TMEM108: variants seen among roughly 807,000 people sequenced by gnomAD.
The protein encoded by TMEM108 is transmembrane protein 108, also known as cancer/testis antigen 124.
TMEM108 carries 12 observed loss-of-function variants against 35.1 expected under a neutral mutation model. The observed-to-expected ratio is 0.34, with a 90% CI of 0.22 to 0.55. The LOEUF (loss-of-function observed/expected upper bound fraction) is 0.55, where lower values mean the gene tolerates loss of function less well. TMEM108 is among the 20% of genes least tolerant of loss of function. The pLI, the probability that TMEM108 is intolerant of heterozygous loss-of-function variation, is 0.89. For missense variants in TMEM108, 680 were observed against 753.3 expected (o/e 0.90, Z 1.14); for synonymous variants, 287 against 308.6 (o/e 0.93, Z 0.73).
intron 1 of TMEM108, among the ~76,000 whole-genome samples, chr3:133,045,676 A>G (rs1943331334): frequency 6.6e-6 from 1 of 152,232 alleles, no homozygotes; most frequent in Admixed American, 6.5e-5. Context: ...TAAACATGGC[A>G]GGACTTTTGT....
chr3:133,259,364 A>G (rs1946592135), intron 3 of TMEM108, among the ~76,000 whole-genome samples: 1 of 152,228 alleles, frequency 6.6e-6, no homozygotes, highest in Admixed American at 6.5e-5. Context: ...AGAGGAAGCC[A>G]TTGAGAAGTG....
chr3:133,200,716 T>A (rs1945650140), intron 2 of TMEM108, among the ~76,000 whole-genome samples: 1 of 152,168 alleles, frequency 6.6e-6, no homozygotes, highest in Non-Finnish European at 1.5e-5. Flanking sequence ...TATTACACAC[T>A]CATTGTTTTT....
At chr3:133,154,010 A>G (rs1944839528) in intron 2 of TMEM108, among the ~76,000 whole-genome samples, 1 of 148,248 alleles carries the variant, frequency 6.7e-6, no homozygotes, top group Non-Finnish European at 1.5e-5. Context: ...AGTTCTCCAA[A>G]ACAATAAATT....
rs566321540 is a variant in TMEM108, at chr3:133,381,088, A to T, written c.1377A>T (p.Arg459Ser). Residue 459 changes from arginine (R) to serine (S), a missense_variant, in exon 4 of 6, where the codon AGA (arginine) becomes AGT (serine). This residue lies in a region of TMEM108 where 105 missense variants were observed against 150.7 expected (regional missense o/e 0.70). Coordinates refer to ENST00000321871, the MANE Select transcript of TMEM108 (RefSeq NM_023943.4). ...HVAEGDKPQH[R>S]ATICLSKMDI... ...CCGAGGGGGACAAACCGCAGCACAG[A>T]GCCACCATCTGCCTGAGCAAGATGG... The T allele has an allele frequency of 6.2e-7, 1 of 1,614,124 alleles. No individual in the cohort carries two copies. The highest frequency in any genetic ancestry group is 2.2e-5 in the East Asian group (1 of 44,874).
At chr3:133,235,549 G>A (rs1488232210) in intron 3 of TMEM108, among the ~76,000 whole-genome samples, 1 of 152,106 alleles carries the variant, frequency 6.6e-6, no homozygotes, top group Admixed American at 6.5e-5. Context: ...AGTTACTTAA[G>A]CCTCTGTGAG....
intron 4 of TMEM108, among the ~76,000 whole-genome samples, chr3:133,382,225 G>A (rs567685338): frequency 3.4e-4 from 52 of 152,188 alleles, no homozygotes; most frequent in African/African-American, 1.1e-3. Flanking sequence ...CCCGCTCCTT[G>A]GACAGCCCAT....
intron 2 of TMEM108, among the ~76,000 whole-genome samples, chr3:133,116,694 C>A (rs1025264028): frequency 6.6e-6 from 1 of 152,146 alleles, no homozygotes; most frequent in African/African-American, 2.4e-5. Flanking sequence ...TTTTGCCAAG[C>A]GCTCTTGTTG....
At chr3:133,370,312 T>A (rs1012019112) in intron 3 of TMEM108, among the ~76,000 whole-genome samples, 1 of 152,190 alleles carries the variant, frequency 6.6e-6, no homozygotes, top group African/African-American at 2.4e-5. Flanking sequence ...GGTCAGCTAT[T>A]TTATAGACTA....
intron 2 of TMEM108, among the ~76,000 whole-genome samples, chr3:133,135,916 G>T (rs1299801102): frequency 2.6e-5 from 4 of 152,150 alleles, no homozygotes. Context: ...AACGTTTTAT[G>T]TGCTTCAGGA....
intron 1 of TMEM108, among the ~76,000 whole-genome samples, chr3:133,043,941 AAT>A (rs1172193906): frequency 6.6e-6 from 1 of 152,196 alleles, no homozygotes; most frequent in Non-Finnish European, 1.5e-5. Flanking sequence ...TGGAAATAAA[AAT>A]CCTTGTTTAA....
At chr3:133,355,845 A>G (rs928246498) in intron 3 of TMEM108, among the ~76,000 whole-genome samples, 4 of 152,222 alleles carry the variant, frequency 2.6e-5, no homozygotes, top group East Asian at 1.9e-4. Context: ...TGTAAATGGA[A>G]GAAACCATTG....
At chr3:133,213,374 A>C (rs1053568189) in intron 2 of TMEM108, among the ~76,000 whole-genome samples, 4 of 152,248 alleles carry the variant, frequency 2.6e-5, no homozygotes, top group Non-Finnish European at 5.9e-5. Context: ...ACCCAAGGTC[A>C]CAGAGCAAAG....
chr3:133,052,976 A>G (rs184236440), intron 2 of TMEM108, among the ~76,000 whole-genome samples: 156 of 152,076 alleles, frequency 1.0e-3, no homozygotes, highest in Non-Finnish European at 1.6e-3. Context: ...GGGGAGAGGG[A>G]GGAGTAATTA....
At chr3:133,049,265 A>G (rs1943376188) in intron 2 of TMEM108, among the ~76,000 whole-genome samples, 1 of 152,208 alleles carries the variant, frequency 6.6e-6, no homozygotes, top group South Asian at 2.1e-4. Flanking sequence ...GCCACTAGCC[A>G]CATGTGGCTT....
At chr3:133,316,623 T>C (rs2071202882) in intron 3 of TMEM108, among the ~76,000 whole-genome samples, 3 of 152,212 alleles carry the variant, frequency 2.0e-5, no homozygotes, top group South Asian at 4.1e-4. Context: ...ATCTTTTCTT[T>C]GTGGATAAAG....
intron 2 of TMEM108, among the ~76,000 whole-genome samples, chr3:133,050,592 C>T (rs1943392680): frequency 6.6e-6 from 1 of 152,080 alleles, no homozygotes; most frequent in Non-Finnish European, 1.5e-5. Context: ...AATGTATAAT[C>T]ACATGTATCC....
chr3:133,107,494 GTGTA>G (rs761616465), intron 2 of TMEM108, among the ~76,000 whole-genome samples: 1 of 144,818 alleles, frequency 6.9e-6, no homozygotes, highest in Non-Finnish European at 1.5e-5. Context: ...GTGTGTGTGT[GTGTA>G]TAAAATGATT....
intron 3 of TMEM108, among the ~76,000 whole-genome samples, chr3:133,253,625 T>A (rs1386654555): frequency 3.3e-5 from 5 of 152,230 alleles, no homozygotes; most frequent in Non-Finnish European, 7.3e-5. Context: ...ATCAAATTCT[T>A]TAACTCTTTA....
At chr3:133,168,544 C>G (rs531599488) in intron 2 of TMEM108, among the ~76,000 whole-genome samples, 1 of 151,634 alleles carries the variant, frequency 6.6e-6, no homozygotes, top group Non-Finnish European at 1.5e-5. Context: ...TGTAAACACA[C>G]CAGTTAGCAC....
Sources: gnomAD v4.1 joint callset for allele counts (sites outside exome capture counted in the v4.1 genomes callset) on GRCh38, gnomAD v4.1.1 for gene constraint, gnomAD v4.1.1 regional missense constraint, MANE v1.5 for transcripts, NCBI Gene and HGNC (gene_info 2026-07-23, HGNC 2026-07-21) for gene names.